The following DGCR2 variants were observed in gnomAD, a reference collection of about 807,000 sequenced individuals.
DGCR2 encodes integral membrane protein DGCR2/IDD.
In DGCR2, 24 loss-of-function variants were observed where a neutral mutation model predicts 51.6. The ratio of observed to expected loss-of-function variants is 0.47; its 90% CI spans 0.34 to 0.65. The LOEUF (loss-of-function observed/expected upper bound fraction) is 0.65. Among genes scored for constraint, DGCR2 ranks in the 30% least tolerant of loss-of-function variants. DGCR2 has a pLI of 0.01. For missense variants in DGCR2, 765 were observed against 772.1 expected (o/e 0.99, Z 0.11); for synonymous variants, 340 against 315.4 (o/e 1.08, Z -0.82).
chr22:19,071,875 C>A (rs2082819727), intron 2 of DGCR2, among the ~76,000 whole-genome samples: 1 of 152,090 alleles, frequency 6.6e-6, no homozygotes, highest in South Asian at 2.1e-4. Context: ...TCTGTAACCT[C>A]TCAAAGGGTT....
chr22:19,118,944 T>C (rs2083402185), intron 1 of DGCR2, among the ~76,000 whole-genome samples: 2 of 152,180 alleles, frequency 1.3e-5, no homozygotes, highest in South Asian at 4.1e-4. Flanking sequence ...TCAGCAGTAG[T>C]CTCCAACCGT....
At position 19,048,201 on chromosome 22, in the gene DGCR2, G is replaced by T. The variant is rs577683751; in HGVS notation, c.1006+239C>A. The T allele has an allele frequency of 7.1e-4, 408 of 575,644 alleles. 7 individuals are homozygous for T. In the South Asian group the frequency reaches 8.0e-3, roughly 11 times the overall value. The allele number at this position is 575,644 out of a possible 1,614,324, so 35.7% of individuals were successfully genotyped here. A position where few individuals can be genotyped will look rare whatever the true frequency, so the allele number is the denominator to read the frequency against. ...GCCACACTTGAGTTCAAGTTCATTT[G>T]TGAATGCTGCCTGTCACCCCAGAAT... is the stretch of plus-strand genomic sequence containing the variant. On this transcript the variant is annotated intron_variant, in intron 7 of 9. Transcript: ENST00000263196.
chr22:19,066,650 G>C (rs2082752894), intron 3 of DGCR2, among the ~76,000 whole-genome samples: 1 of 152,204 alleles, frequency 6.6e-6, no homozygotes, highest in Non-Finnish European at 1.5e-5. Context: ...AAGCCCTGTA[G>C]GGAGGGAAGC....
chr22:19,105,541 A>T (rs1239773431), intron 1 of DGCR2, among the ~76,000 whole-genome samples: 1 of 152,202 alleles, frequency 6.6e-6, no homozygotes, highest in Non-Finnish European at 1.5e-5. Context: ...CATTCTGAAC[A>T]GGTGCTGCCC....
In DGCR2 at chr22:19,084,730, G is replaced by A. The variant is rs1352297336; in HGVS notation, c.202+4638C>T. Among the ~76,000 whole-genome samples, 4 of 143,478 alleles carry A rather than the reference G, an allele frequency of 2.8e-5. 1 individual carries two copies. The highest frequency in any genetic ancestry group is 4.6e-5 in the Non-Finnish European group (3 of 65,032). 94.1% of individuals were successfully genotyped at this position (143,478 alleles called of 152,430 possible). A position where few individuals can be genotyped will look rare whatever the true frequency, so the allele number is the denominator to read the frequency against. On this transcript the variant is annotated intron_variant, in intron 2 of 9. Coordinates refer to ENST00000263196, the MANE Select transcript of DGCR2 (RefSeq NM_005137.3). Reference sequence around the variant, plus strand: ...GGAGGGAGGTGGGGGGTCAGCCCCCGCCCGGCCAGCCGCCCCGTCCGGGAG... The same window carrying A: ...GGAGGGAGGTGGGGGGTCAGCCCCCACCCGGCCAGCCGCCCCGTCCGGGAG...
chr22:19,041,322 A>C, intron 8 of DGCR2, 28 bp from the exon 9 acceptor site: 1 of 1,606,794 alleles, frequency 6.2e-7, no homozygotes, highest in Non-Finnish European at 8.5e-7. Context: ...TGCAACGGGA[A>C]CAGAGACAAG....
At chr22:19,121,077 G>T (rs1280325812) in intron 1 of DGCR2, among the ~76,000 whole-genome samples, 1 of 152,188 alleles carries the variant, frequency 6.6e-6, no homozygotes, top group Non-Finnish European at 1.5e-5. Flanking sequence ...GTGTATCTGG[G>T]CTGGGAGCCT....
intron 2 of DGCR2, among the ~76,000 whole-genome samples, chr22:19,074,901 T>C (rs1377610163): frequency 2.0e-5 from 3 of 152,204 alleles, no homozygotes; most frequent in Admixed American, 6.5e-5. Flanking sequence ...CAGGGGTTGA[T>C]GTCCTCTGCA....
chr22:19,064,439 C>G (rs1173734312), intron 4 of DGCR2, among the ~76,000 whole-genome samples: 1 of 152,242 alleles, frequency 6.6e-6, no homozygotes, highest in East Asian at 1.9e-4. Context: ...GAAGCGAAGG[C>G]CCCCTTGCTT....
intron 2 of DGCR2, among the ~76,000 whole-genome samples, chr22:19,079,726 G>T (rs2082915538): frequency 6.6e-6 from 1 of 152,216 alleles, no homozygotes; most frequent in Non-Finnish European, 1.5e-5. Flanking sequence ...ATCACAGCCA[G>T]TAAGTGGTGA....
chr22:19,077,729 T>A (rs117510317), intron 2 of DGCR2, among the ~76,000 whole-genome samples: 4 of 152,188 alleles, frequency 2.6e-5, no homozygotes, highest in Non-Finnish European at 2.9e-5. Context: ...AAAAAACTTG[T>A]TGGCATTTTA....
At chr22:19,071,138 G>A (rs1370287609) in intron 2 of DGCR2, among the ~76,000 whole-genome samples, 1 of 152,210 alleles carries the variant, frequency 6.6e-6, no homozygotes, top group East Asian at 1.9e-4. Flanking sequence ...ACCTGGTGCA[G>A]GGGTCACTGT....
intron 2 of DGCR2, among the ~76,000 whole-genome samples, chr22:19,068,696 G>A (rs1447935119): frequency 6.6e-6 from 1 of 152,196 alleles, no homozygotes; most frequent in Non-Finnish European, 1.5e-5. Flanking sequence ...GGCCTGAGCT[G>A]CCTATCTGTC....
intron 6 of DGCR2, among the ~76,000 whole-genome samples, chr22:19,054,442 G>T (rs2082579857): frequency 6.6e-6 from 1 of 152,226 alleles, no homozygotes; most frequent in Non-Finnish European, 1.5e-5. Context: ...ACAAGTTACA[G>T]AAGTCTCCCT....
intron 2 of DGCR2, 62 bp downstream of exon 2, chr22:19,089,306 C>G: frequency 6.7e-7 from 1 of 1,498,632 alleles, no homozygotes. Flanking sequence ...ACAAGAGGCA[C>G]AGTCACCCAG....
rs137927251 is a variant in DGCR2 at position 19,036,397 on chromosome 22, A to C, written c.*2468T>G. ...AAAAACCCTTAATGAAAACATAAAA[A>C]AACAGGCATCAAGACAATGTACAGT... On this transcript the variant is annotated 3_prime_UTR_variant, in exon 10 of 10. Transcript: ENST00000263196. 6.6e-6 allele frequency: 1 copy of C among 152,408 alleles called. No individual in the cohort carries two copies. The highest frequency in any genetic ancestry group is 6.6e-5 in the Admixed American group (1 of 15,254). 9.4% of individuals were successfully genotyped at this position (152,408 alleles called of 1,614,324 possible).
At chr22:19,108,916 A>G (rs961118672) in intron 1 of DGCR2, among the ~76,000 whole-genome samples, 3 of 152,068 alleles carry the variant, frequency 2.0e-5, no homozygotes, top group Non-Finnish European at 4.4e-5. Context: ...TTGTAGTGCC[A>G]ACTACATGGG....
intron 5 of DGCR2, among the ~76,000 whole-genome samples, chr22:19,058,319 T>C (rs2082625249): frequency 6.6e-6 from 1 of 152,076 alleles, no homozygotes; most frequent in African/African-American, 2.4e-5. Context: ...CCCAGGGACA[T>C]ACAGGCCCAG....
chr22:19,105,426 C>A (rs1395402471), intron 1 of DGCR2, among the ~76,000 whole-genome samples: 2 of 152,204 alleles, frequency 1.3e-5, no homozygotes, highest in African/African-American at 2.4e-5. Flanking sequence ...GGAGGGGTCA[C>A]CTCTGTCCTG....
Sources: allele counts gnomAD v4.1 joint callset (sites outside exome capture counted in the v4.1 genomes callset), GRCh38; gene constraint gnomAD v4.1.1; transcripts MANE v1.5; gene names NCBI Gene and HGNC (gene_info 2026-07-23, HGNC 2026-07-21).